The following PFKFB3 variants were observed in gnomAD, a reference collection of about 807,000 sequenced individuals.
The protein encoded by PFKFB3 is 6-phosphofructo-2-kinase/fructose-2,6-biphosphatase 3.
Under a neutral mutation model 68.0 loss-of-function variants are expected in PFKFB3, and 33 were observed. The ratio of observed to expected loss-of-function variants is 0.49; its 90% CI spans 0.37 to 0.65. The LOEUF (loss-of-function observed/expected upper bound fraction) is 0.65. Ranked by LOEUF, PFKFB3 falls within the 30% of genes least tolerant of loss-of-function variation. The pLI is 0.00. For missense variants in PFKFB3, 586 were observed against 712.2 expected (o/e 0.82, Z 2.02); for synonymous variants, 315 against 288.2 (o/e 1.09, Z -0.94).
rs1266771498 is a variant in PFKFB3 at position 6,235,507 on chromosome 10, C to T, written c.*2565C>T. On this transcript the variant is annotated 3_prime_UTR_variant, in exon 15 of 15. Coordinates refer to ENST00000379775, the MANE Select transcript of PFKFB3 (RefSeq NM_004566.4). Reference sequence around the variant, plus strand: ...ATTTGTATATTTTGCAGTTGCCAGACCAATAAAATACCTGGTTGAAATACA... The same window carrying T: ...ATTTGTATATTTTGCAGTTGCCAGATCAATAAAATACCTGGTTGAAATACA... 5 of 152,244 alleles carry T rather than the reference C, an allele frequency of 3.3e-5. No individual in the cohort carries two copies. Among genetic ancestry groups the T allele is most frequent in the African/African-American group, 1.2e-4 (5 of 41,418 alleles). 9.4% of individuals were successfully genotyped at this position (152,244 alleles called of 1,614,324 possible). A position where few individuals can be genotyped will look rare whatever the true frequency, so the allele number is the denominator to read the frequency against.
chr10:6,270,635 C>T, the PFKFB3 span, among the ~76,000 whole-genome samples: 1 of 152,260 alleles, frequency 6.6e-6, no homozygotes, highest in South Asian at 2.1e-4. Context: ...GGGTCCGGTT[C>T]CCTCTTTACC....
At chr10:6,156,698 G>C (rs1841812909) in intron 1 of PFKFB3, among the ~76,000 whole-genome samples, 1 of 149,496 alleles carries the variant, frequency 6.7e-6, no homozygotes, top group Non-Finnish European at 1.5e-5. Flanking sequence ...ATGTTGGCCA[G>C]GCTGGTCTCG....
chr10:6,311,995 C>G, the PFKFB3 span, among the ~76,000 whole-genome samples: 1 of 152,126 alleles, frequency 6.6e-6, no homozygotes, highest in African/African-American at 2.4e-5. Context: ...TTAAAGAGGG[C>G]CTTGTTCATA....
rs373047099 is a variant in PFKFB3, at chr10:6,223,909, G to A, written c.1214-49G>A. ...TGGGATTACAGGCGTGAGCCACCACGCCTGGCCGTGTCTCATTTCTAACTG... is the reference window on the plus strand; with the variant it reads ...TGGGATTACAGGCGTGAGCCACCACACCTGGCCGTGTCTCATTTCTAACTG... On this transcript the variant is annotated intron_variant, in intron 11 of 14. Coordinates refer to ENST00000379775, the MANE Select transcript of PFKFB3 (RefSeq NM_004566.4). 1.3e-4 allele frequency: 196 copies of A among 1,547,034 alleles called. 1 individual carries two copies. In the East Asian group the frequency reaches 1.5e-3, roughly 12 times the overall value.
chr10:6,249,277 G>A (rs1451728445), intron 14 of PFKFB3, among the ~76,000 whole-genome samples: 1 of 149,152 alleles, frequency 6.7e-6, no homozygotes, highest in Admixed American at 6.7e-5. Flanking sequence ...AAATTGTATA[G>A]AAGTTCTTCA....
At chr10:6,168,535 A>G (rs1032370070) in intron 1 of PFKFB3, among the ~76,000 whole-genome samples, 13 of 152,240 alleles carry the variant, frequency 8.5e-5, no homozygotes, top group Non-Finnish European at 1.3e-4. Context: ...ATGGCCTGGT[A>G]GAAAATCAGG....
intron 1 of PFKFB3, among the ~76,000 whole-genome samples, chr10:6,208,873 A>C (rs1012303548): frequency 1.3e-5 from 2 of 152,186 alleles, no homozygotes; most frequent in Admixed American, 6.5e-5. Context: ...CTGAGTGTTC[A>C]CCAGCCAGCC....
the PFKFB3 span, among the ~76,000 whole-genome samples, chr10:6,307,083 C>T: frequency 5.9e-5 from 9 of 152,144 alleles, no homozygotes; most frequent in African/African-American, 2.2e-4. Flanking sequence ...AAAAGACTGA[C>T]CTCCCCTGAG....
At chr10:6,177,143 G>C (rs1842496307) in intron 1 of PFKFB3, among the ~76,000 whole-genome samples, 1 of 152,196 alleles carries the variant, frequency 6.6e-6, no homozygotes, top group African/African-American at 2.4e-5. Context: ...ATGGTTTCCT[G>C]TGTGGCAGAT....
the PFKFB3 span, among the ~76,000 whole-genome samples, chr10:6,262,472 A>G: frequency 6.1e-5 from 9 of 148,054 alleles, no homozygotes; most frequent in African/African-American, 2.1e-4. Context: ...AAAAAAAAAA[A>G]AAAAAAAGCT....
At chr10:6,164,448 A>AC (rs1358103094) in intron 1 of PFKFB3, among the ~76,000 whole-genome samples, 1 of 152,214 alleles carries the variant, frequency 6.6e-6, no homozygotes, top group Non-Finnish European at 1.5e-5. Flanking sequence ...AGGACTGGGC[A>AC]CACTTGACCC....
At chr10:6,187,976 T>TATCTATCTATCC (rs897688839) in intron 1 of PFKFB3, among the ~76,000 whole-genome samples, 12 of 123,550 alleles carry the variant, frequency 9.7e-5, no homozygotes, top group African/African-American at 2.9e-4. Context: ...TCTATCTATC[T>TATCTATCTATCC]ATCCATCCAT....
At position 6,161,546 on chromosome 10, in the gene PFKFB3, G is replaced by GTA. The variant is rs200908099; in HGVS notation, c.16+16542_16+16543dup. Among the ~76,000 whole-genome samples, 1,143 of 149,778 alleles carry GTA rather than the reference G, an allele frequency of 7.6e-3. 13 individuals carry two copies. Among genetic ancestry groups the GTA allele is most frequent in the African/African-American group, 0.026 (1,047 of 40,488 alleles). On this transcript the variant is annotated intron_variant, in intron 1 of 14. Coordinates refer to the PFKFB3 transcript ENST00000379789. ...GAGTCATAGATATATACACACATAT[G>GTA]TATATATATACACACATATGTATAT...
At chr10:6,203,661 C>T (rs1268082288) in intron 1 of PFKFB3, among the ~76,000 whole-genome samples, 5 of 151,814 alleles carry the variant, frequency 3.3e-5, no homozygotes, top group Admixed American at 3.3e-4. Flanking sequence ...ACACCCGTCT[C>T]GGGCGGCCGT....
rs530284231 is a variant in PFKFB3 at position 6,215,935 on chromosome 10, G to A, written c.300-190G>A. Among the ~76,000 whole-genome samples, 1 of 152,296 alleles carries A rather than the reference G, an allele frequency of 6.6e-6. No homozygotes were observed. The highest frequency in any genetic ancestry group is 6.5e-5 in the Admixed American group (1 of 15,302). ...TGAGCACCGCCTCCCGAGGGTTCCT[G>A]AGGCCACCCGTGTGGGGCCCCAGGT... On this transcript the variant is annotated intron_variant, in intron 3 of 14. Transcript: ENST00000379775. The surrounding 1 kb of genome is among the most constrained non-coding windows in gnomAD (Gnocchi z 4.3).
intron 1 of PFKFB3, among the ~76,000 whole-genome samples, chr10:6,178,384 A>G (rs890259311): frequency 6.6e-6 from 1 of 152,170 alleles, no homozygotes; most frequent in African/African-American, 2.4e-5. Context: ...ACAACCAGCA[A>G]CAAGAGAACA....
At chr10:6,319,620 A>T in the PFKFB3 span, among the ~76,000 whole-genome samples, 1 of 152,206 alleles carries the variant, frequency 6.6e-6, no homozygotes, top group African/African-American at 2.4e-5. Context: ...TCCATGTAAC[A>T]CGTAACAAAA....
chr10:6,292,289 T>C, the PFKFB3 span, among the ~76,000 whole-genome samples: 3 of 125,028 alleles, frequency 2.4e-5, no homozygotes, highest in African/African-American at 6.1e-5. Context: ...TTTTTTTTTT[T>C]TTTTTTTTTT....
At chr10:6,214,578 T>C (rs112355807) in intron 2 of PFKFB3, among the ~76,000 whole-genome samples, 1 of 152,080 alleles carries the variant, frequency 6.6e-6, no homozygotes, top group African/African-American at 2.4e-5. Flanking sequence ...GTTACCTGAG[T>C]ATATTGCATA....
Sources: allele counts gnomAD v4.1 joint callset (sites outside exome capture counted in the v4.1 genomes callset), GRCh38; gene constraint gnomAD v4.1.1; non-coding constraint Gnocchi (gnomAD v3.1); transcripts MANE v1.5; gene names NCBI Gene and HGNC (gene_info 2026-07-23, HGNC 2026-07-21).